LDB2: variants seen among roughly 807,000 people sequenced by gnomAD.
The protein encoded by LDB2 is LIM domain-binding protein 2.
A neutral mutation model predicts 44.3 loss-of-function variants in LDB2; 12 were observed. The observed-to-expected ratio is 0.27, with a 90% CI of 0.17 to 0.44. LDB2 has a LOEUF of 0.44. LDB2 is among the 20% of genes least tolerant of loss of function. The probability of loss-of-function intolerance (pLI) is 1.00; values close to 1 mark genes in which losing one functional copy is unlikely to be tolerated. For synonymous variants in LDB2, 164 were observed against 174.8 expected (o/e 0.94, Z 0.49); for missense variants, 344 against 473.5 (o/e 0.73, Z 2.54).
chr4:16,747,127 G>T (rs1439621771), intron 2 of LDB2, among the ~76,000 whole-genome samples: 2 of 152,184 alleles, frequency 1.3e-5, no homozygotes, highest in Admixed American at 6.5e-5. Flanking sequence ...CCACAGCTGG[G>T]CCTGCTTACT....
intron 2 of LDB2, among the ~76,000 whole-genome samples, chr4:16,724,801 T>C (rs1472150608): frequency 2.0e-5 from 3 of 152,208 alleles, no homozygotes; most frequent in Admixed American, 6.6e-5. Flanking sequence ...AATGAGTAAT[T>C]AAACAATTCC....
At chr4:16,565,723 T>C (rs547143168) in intron 5 of LDB2, among the ~76,000 whole-genome samples, 1 of 151,964 alleles carries the variant, frequency 6.6e-6, no homozygotes, top group African/African-American at 2.4e-5. Context: ...GATATAAAAA[T>C]TTAGCTAGAA....
At chr4:16,557,139 G>A (rs1278700462) in intron 5 of LDB2, among the ~76,000 whole-genome samples, 12 of 152,206 alleles carry the variant, frequency 7.9e-5, no homozygotes, top group East Asian at 1.9e-4. Context: ...AGCTCCCAGC[G>A]TGAGCGACGC....
At chr4:16,655,697 C>A (rs1009572429) in intron 2 of LDB2, among the ~76,000 whole-genome samples, 22 of 152,034 alleles carry the variant, frequency 1.4e-4, no homozygotes, top group African/African-American at 5.1e-4. Context: ...TTGTGGTAGC[C>A]CCTCCTCGAT....
chr4:16,745,126 G>T (rs1376683465), intron 2 of LDB2, among the ~76,000 whole-genome samples: 1 of 152,178 alleles, frequency 6.6e-6, no homozygotes, highest in African/African-American at 2.4e-5. Context: ...CACAAGCCTG[G>T]GCTATTTGCC....
intron 2 of LDB2, among the ~76,000 whole-genome samples, chr4:16,601,159 AC>A (rs1190348791): frequency 1.3e-5 from 2 of 152,158 alleles, no homozygotes. Context: ...ATACACAAAT[AC>A]TTTTAAGGAA....
chr4:16,734,387 T>G (rs943656977), intron 2 of LDB2, among the ~76,000 whole-genome samples: 4 of 152,188 alleles, frequency 2.6e-5, no homozygotes, highest in African/African-American at 9.7e-5. Context: ...CATGCCAACT[T>G]TACTAATCAC....
At chr4:16,697,288 C>CACACACAA (rs1752369867) in intron 2 of LDB2, among the ~76,000 whole-genome samples, 1 of 151,220 alleles carries the variant, frequency 6.6e-6, no homozygotes, top group Non-Finnish European at 1.5e-5. Flanking sequence ...CACACACACA[C>CACACACAA]ACACACACAC....
intron 2 of LDB2, among the ~76,000 whole-genome samples, chr4:16,640,629 C>T (rs373354409): frequency 5.9e-5 from 9 of 152,154 alleles, no homozygotes; most frequent in African/African-American, 1.4e-4. Context: ...ATAATCCGCA[C>T]AGCAAAATCT....
At position 16,596,156 on chromosome 4, in the gene LDB2, G is replaced by C. The variant is rs114422470; in HGVS notation, c.236-281C>G. ...GGTTAGTACTTTAAAAATAATAGGG[G>C]GGAAATGCATGAACTACTTTGGACC... On this transcript the variant is annotated intron_variant, in intron 2 of 7. Transcript: ENST00000304523. Among the ~76,000 whole-genome samples the C allele has an allele frequency of 6.0e-3, 910 of 152,102 alleles. 13 individuals carry two copies. The highest frequency in any genetic ancestry group is 0.021 in the African/African-American group (880 of 41,514).
chr4:16,842,444 G>T (rs928637157), intron 1 of LDB2, among the ~76,000 whole-genome samples: 5 of 151,890 alleles, frequency 3.3e-5, no homozygotes, highest in Non-Finnish European at 7.4e-5. Context: ...AAAAATCCAT[G>T]CTCTAAACAG....
At chr4:16,641,385 T>C (rs1323101516) in intron 2 of LDB2, among the ~76,000 whole-genome samples, 3 of 152,172 alleles carry the variant, frequency 2.0e-5, no homozygotes, top group African/African-American at 7.2e-5. Context: ...GTAACTGTGT[T>C]AGTCTGTTTT....
chr4:16,838,345 A>T (rs1226963077), intron 1 of LDB2, among the ~76,000 whole-genome samples: 2 of 152,168 alleles, frequency 1.3e-5, no homozygotes, highest in Non-Finnish European at 2.9e-5. Context: ...CAGGCTTGCT[A>T]CCTCAAATCC....
chr4:16,594,814 C>T (rs1285168859), intron 3 of LDB2, among the ~76,000 whole-genome samples: 2 of 152,148 alleles, frequency 1.3e-5, no homozygotes, highest in African/African-American at 4.8e-5. Context: ...AAAGAGATAG[C>T]TATCATTAAT....
chr4:16,547,873 T>C (rs1736295656), intron 5 of LDB2, among the ~76,000 whole-genome samples: 1 of 152,204 alleles, frequency 6.6e-6, no homozygotes, highest in Non-Finnish European at 1.5e-5. Context: ...GCTTGGCACA[T>C]AGAAAGTGTG....
chr4:16,758,736 A>T (rs1767231885), intron 2 of LDB2, among the ~76,000 whole-genome samples: 1 of 152,226 alleles, frequency 6.6e-6, no homozygotes. Context: ...GAGATAATTG[A>T]TAAGAGGGGA....
At chr4:16,840,992 C>T (rs1293038381) in intron 1 of LDB2, among the ~76,000 whole-genome samples, 2 of 152,196 alleles carry the variant, frequency 1.3e-5, no homozygotes, top group Admixed American at 6.5e-5. Context: ...TGCTTGGTTG[C>T]AGCAGTGTTT....
chr4:16,566,674 CACAA>C (rs1035991849), intron 5 of LDB2, among the ~76,000 whole-genome samples: 5 of 152,048 alleles, frequency 3.3e-5, no homozygotes, highest in Admixed American at 1.3e-4. Context: ...CATCATCTCA[CACAA>C]ACAAAAACAA....
At chr4:16,755,684 T>C (rs1579367443) in intron 2 of LDB2, among the ~76,000 whole-genome samples, 1 of 152,162 alleles carries the variant, frequency 6.6e-6, no homozygotes, top group South Asian at 2.1e-4. Context: ...CCTAATGTTC[T>C]TTATTCTACT....
Sources: allele counts gnomAD v4.1 joint callset (sites outside exome capture counted in the v4.1 genomes callset), GRCh38; gene constraint gnomAD v4.1.1; transcripts MANE v1.5; gene names NCBI Gene and HGNC (gene_info 2026-07-23, HGNC 2026-07-21).